AK4: variants seen among roughly 807,000 people sequenced by gnomAD.
The protein encoded by AK4 is adenylate kinase 4, mitochondrial.
In AK4, 13 loss-of-function variants were observed where a neutral mutation model predicts 24.6. The ratio of observed to expected loss-of-function variants is 0.53; its 90% CI spans 0.34 to 0.84. AK4 has a LOEUF of 0.84. AK4 is among the 40% of genes least tolerant of loss of function. AK4 has a pLI of 0.01. For synonymous variants in AK4, 88 were observed against 107.0 expected (o/e 0.82, Z 1.10); for missense variants, 192 against 288.2 (o/e 0.67, Z 2.42).
At chr1:65,150,132 GGGCT>G (rs1246297388) in intron 1 of AK4, among the ~76,000 whole-genome samples, 8 of 152,240 alleles carry the variant, frequency 5.3e-5, no homozygotes, top group African/African-American at 1.9e-4. Context: ...CTGGAATGAA[GGGCT>G]TCACACTGTC....
intron 1 of AK4, among the ~76,000 whole-genome samples, chr1:65,149,658 GA>G (rs1649700134): frequency 6.6e-6 from 1 of 152,142 alleles, no homozygotes; most frequent in South Asian, 2.1e-4. Context: ...GACAGTACCA[GA>G]AAACAAAAGG....
chr1:65,185,393 G>T (rs1305479185), intron 1 of AK4, among the ~76,000 whole-genome samples: 1 of 152,234 alleles, frequency 6.6e-6, no homozygotes, highest in East Asian at 1.9e-4. Flanking sequence ...ATTCCTCAAA[G>T]TTCACGCTCC....
At chr1:65,169,117 A>G (rs1341720814) in intron 1 of AK4, among the ~76,000 whole-genome samples, 1 of 150,876 alleles carries the variant, frequency 6.6e-6, no homozygotes, top group Admixed American at 6.7e-5. Context: ...TCAAGGATAC[A>G]GTGAGCTATG....
chr1:65,167,655 C>T (rs891679212), intron 1 of AK4, among the ~76,000 whole-genome samples: 1 of 152,146 alleles, frequency 6.6e-6, no homozygotes, highest in Non-Finnish European at 1.5e-5. Flanking sequence ...TGATTTGTTC[C>T]ATTTCTTAAT....
intron 1 of AK4, among the ~76,000 whole-genome samples, chr1:65,182,067 C>T (rs368884867): frequency 3.9e-5 from 6 of 152,218 alleles, no homozygotes; most frequent in African/African-American, 1.2e-4. Flanking sequence ...AGGTGTGTGC[C>T]ACCACGCCTG....
intron 2 of AK4, among the ~76,000 whole-genome samples, chr1:65,216,628 C>CT (rs999838843): frequency 1.5e-4 from 18 of 123,360 alleles, no homozygotes; most frequent in Non-Finnish European, 2.5e-4. Context: ...AGGTACCTTT[C>CT]TTTTTTTTTC....
intron 1 of AK4, among the ~76,000 whole-genome samples, chr1:65,162,688 A>G (rs1557440078): frequency 1.3e-5 from 2 of 152,074 alleles, no homozygotes; most frequent in South Asian, 4.1e-4. Flanking sequence ...AAAAAAAAAA[A>G]GTGTAAAAAT....
chr1:65,218,712 G>T, intron 2 of AK4, 42 bp from the exon 3 acceptor site: 2 of 1,533,226 alleles, frequency 1.3e-6, no homozygotes, highest in South Asian at 2.6e-5. Flanking sequence ...ATTGGAACTG[G>T]GCAATAGCTT....
chr1:65,202,123 C>T (rs145672376), intron 2 of AK4, among the ~76,000 whole-genome samples: 1,932 of 152,250 alleles, frequency 0.013, 46 homozygotes, highest in African/African-American at 0.044. Context: ...ATTGGCCGGG[C>T]GTGGTGGCTC....
chr1:65,159,350 C>T (rs1650079553), intron 1 of AK4, among the ~76,000 whole-genome samples: 1 of 152,200 alleles, frequency 6.6e-6, no homozygotes, highest in Admixed American at 6.5e-5. Context: ...AAATAAATGG[C>T]CTCAGAAAGG....
intron 2 of AK4, among the ~76,000 whole-genome samples, chr1:65,199,758 T>G (rs1651606196): frequency 6.6e-6 from 1 of 152,196 alleles, no homozygotes; most frequent in African/African-American, 2.4e-5. Context: ...GTATTTTGGA[T>G]TTCAGATTTT....
intron 1 of AK4, among the ~76,000 whole-genome samples, chr1:65,183,190 C>T (rs550164401): frequency 6.6e-6 from 1 of 152,128 alleles, no homozygotes; most frequent in East Asian, 1.9e-4. Flanking sequence ...CTTCCCATTT[C>T]AGGACCAAAA....
At chr1:65,188,850 C>G (rs1371266520) in intron 1 of AK4, among the ~76,000 whole-genome samples, 4 of 152,142 alleles carry the variant, frequency 2.6e-5, no homozygotes, top group East Asian at 1.9e-4. Flanking sequence ...TCTTGGCTCA[C>G]TGCAACCTCC....
At chr1:65,201,017 C>T (rs1159143134) in intron 2 of AK4, among the ~76,000 whole-genome samples, 2 of 152,198 alleles carry the variant, frequency 1.3e-5, no homozygotes, top group Admixed American at 1.3e-4. Context: ...TAGTCTCCAT[C>T]TCTTGACCTC....
intron 1 of AK4, among the ~76,000 whole-genome samples, chr1:65,172,855 A>ATTTTTTTTTTT (rs11408059): frequency 9.0e-6 from 1 of 110,910 alleles, no homozygotes; most frequent in African/African-American, 3.8e-5. Flanking sequence ...CCAGCAAGAG[A>ATTTTTTTTTTT]TTTTTTTTTT....
At chr1:65,196,225 A>G (rs955778583) in intron 2 of AK4, among the ~76,000 whole-genome samples, 1 of 152,140 alleles carries the variant, frequency 6.6e-6, no homozygotes, top group African/African-American at 2.4e-5. Context: ...AAAGGTCGAA[A>G]AAGGCATTCT....
intron 2 of AK4, among the ~76,000 whole-genome samples, chr1:65,205,076 G>A (rs570413158): frequency 3.3e-5 from 5 of 151,830 alleles, no homozygotes; most frequent in East Asian, 1.9e-4. Context: ...TATTTTTTTC[G>A]TCCCTCCCTC....
chr1:65,167,732 A>G lies in AK4; in HGVS notation c.145+19180A>G, dbSNP rs1381020049. ...GGCCATTCTGTGCTGGATCCATTCT[A>G]TAGCAGCTGACAGCTAACTCGCCTT... On this transcript the variant is annotated intron_variant, in intron 1 of 4. Coordinates refer to ENST00000327299, the MANE Select transcript of AK4 (RefSeq NM_013410.4). Among the ~76,000 whole-genome samples, 5 of 152,340 alleles carry G rather than the reference A, an allele frequency of 3.3e-5. No individual in the cohort carries two copies. In the East Asian group the frequency reaches 7.7e-4, roughly 24 times the overall value.
intron 1 of AK4, among the ~76,000 whole-genome samples, chr1:65,189,193 C>A (rs1447868428): frequency 6.6e-6 from 1 of 152,032 alleles, no homozygotes; most frequent in Admixed American, 6.6e-5. Flanking sequence ...CCTCGACCTC[C>A]CAAAGTGCTG....
Sources: allele counts gnomAD v4.1 joint callset (sites outside exome capture counted in the v4.1 genomes callset), GRCh38; gene constraint gnomAD v4.1.1; transcripts MANE v1.5; gene names NCBI Gene and HGNC (gene_info 2026-07-23, HGNC 2026-07-21).